MCTP2: variants seen among roughly 807,000 people sequenced by gnomAD.
MCTP2 encodes the protein multiple C2 and transmembrane domain-containing protein 2.
Under a neutral mutation model 111.6 loss-of-function variants are expected in MCTP2, and 132 were observed. That is an observed-to-expected ratio of 1.18 (90% CI 1.03 to 1.37). The LOEUF is 1.37. MCTP2 is among the 40% of genes most tolerant of loss of function. MCTP2 has a pLI of 0.00. For synonymous variants in MCTP2, 395 were observed against 387.7 expected (o/e 1.02, Z -0.22); for missense variants, 1,183 against 1,067.9 (o/e 1.11, Z -1.50).
intron 2 of MCTP2, among the ~76,000 whole-genome samples, chr15:94,305,923 C>G (rs775067654): frequency 6.6e-6 from 1 of 152,086 alleles, no homozygotes; most frequent in Non-Finnish European, 1.5e-5. Flanking sequence ...CTAGTCAGCA[C>G]TCTCCCAGTA....
Position 94,388,624 on chromosome 15 carries a change from C to T in MCTP2, c.1788+3099C>T, listed in dbSNP as rs141468222. ...TGTGTTTTAACCTACTTATTTAGATCTAGTTTTTTTTTCTTTAATCTCTCT... is the reference window on the plus strand; with the variant it reads ...TGTGTTTTAACCTACTTATTTAGATTTAGTTTTTTTTTCTTTAATCTCTCT... On this transcript the variant is annotated intron_variant, in intron 14 of 22. Transcript: ENST00000357742. Among the ~76,000 whole-genome samples, 7 of 152,176 alleles carry T rather than the reference C, an allele frequency of 4.6e-5. No individual in the cohort carries two copies. In the East Asian group the frequency reaches 5.8e-4, roughly 13 times the overall value.
At chr15:94,289,010 T>C (rs1049822979) in intron 1 of MCTP2, among the ~76,000 whole-genome samples, 1 of 152,070 alleles carries the variant, frequency 6.6e-6, no homozygotes, top group African/African-American at 2.4e-5. Context: ...TAATAGAGTC[T>C]CCGGGATTAT....
chr15:94,451,352 G>A (rs770225065), intron 19 of MCTP2, among the ~76,000 whole-genome samples: 2 of 151,946 alleles, frequency 1.3e-5, no homozygotes, highest in Non-Finnish European at 2.9e-5. Context: ...TTCATTATTT[G>A]GTGATGCAGG....
chr15:94,272,393 G>A (rs989782790), intron 1 of MCTP2, among the ~76,000 whole-genome samples: 1 of 152,102 alleles, frequency 6.6e-6, no homozygotes, highest in Non-Finnish European at 1.5e-5. Flanking sequence ...AAGCACGTGC[G>A]TTTAGCGTGA....
At chr15:94,415,552 C>T (rs369330324) in intron 17 of MCTP2, among the ~76,000 whole-genome samples, 2 of 152,198 alleles carry the variant, frequency 1.3e-5, no homozygotes, top group South Asian at 2.1e-4. Context: ...CATAACACCC[C>T]GTGCAGCATT....
At position 94,392,611 on chromosome 15, in the gene MCTP2, G is replaced by A. The variant is rs190715433; in HGVS notation, c.1789-6350G>A. On this transcript the variant is annotated intron_variant, in intron 14 of 22. Transcript: ENST00000357742. The stretch of plus-strand genomic sequence containing the variant: ...AGGTGGATCACAAGGTCAGGAGTTC[G>A]AGACCAGCCTGACCAACATGGTGAA... 2.7e-3 allele frequency among the ~76,000 whole-genome samples: 410 copies of A among 152,078 alleles called. 2 individuals are homozygous for A. The highest frequency in any genetic ancestry group is 0.01 in the Middle Eastern group (3 of 290).
At chr15:94,231,456 G>C (rs2070159121), upstream of MCTP2, 1 of 148,046 alleles carries the variant, frequency 6.8e-6, no homozygotes, top group African/African-American at 2.5e-5. Flanking sequence ...CTGCTCAAAG[G>C]TGACGCGCGG....
intron 1 of MCTP2, among the ~76,000 whole-genome samples, chr15:94,279,388 G>A (rs543649588): frequency 6.6e-6 from 1 of 151,994 alleles, no homozygotes; most frequent in South Asian, 2.1e-4. Context: ...ATTGTGAATG[G>A]GATTGTGTTC....
intron 8 of MCTP2, among the ~76,000 whole-genome samples, chr15:94,349,394 C>T (rs1355394237): frequency 6.6e-6 from 1 of 152,146 alleles, no homozygotes; most frequent in Non-Finnish European, 1.5e-5. Context: ...TAGAACCTGT[C>T]CTTGGATACA....
At chr15:94,265,739 TA>T (rs1410551131) in intron 1 of MCTP2, among the ~76,000 whole-genome samples, 1 of 152,162 alleles carries the variant, frequency 6.6e-6, no homozygotes, top group Non-Finnish European at 1.5e-5. Context: ...GAAGCCTTTT[TA>T]AAAAGGAAGA....
At chr15:94,245,417 C>A (rs111208071) in intron 1 of MCTP2, among the ~76,000 whole-genome samples, 3,386 of 72,412 alleles carry the variant, frequency 0.047, 126 homozygotes, top group African/African-American at 0.15. Flanking sequence ...TATTTATATA[C>A]ATGTGTGTAT....
intron 1 of MCTP2, among the ~76,000 whole-genome samples, chr15:94,278,437 A>G (rs181308202): frequency 2.0e-5 from 3 of 152,310 alleles, no homozygotes; most frequent in East Asian, 3.9e-4. Flanking sequence ...CAAATGGATA[A>G]ACAAAGAAAT....
At chr15:94,288,635 A>C (rs1354100860) in intron 1 of MCTP2, among the ~76,000 whole-genome samples, 4 of 152,258 alleles carry the variant, frequency 2.6e-5, no homozygotes, top group Admixed American at 2.6e-4. Context: ...CAAAATGTCC[A>C]AGGTATAATT....
intron 17 of MCTP2, among the ~76,000 whole-genome samples, chr15:94,437,155 C>CAAAAAAAAA (rs11352999): frequency 1.0e-4 from 7 of 69,578 alleles, no homozygotes; most frequent in Admixed American, 1.6e-4. Flanking sequence ...CTTACACATC[C>CAAAAAAAAA]AAAAAAAAAA....
chr15:94,275,234 T>C (rs968660753), intron 1 of MCTP2, among the ~76,000 whole-genome samples: 1 of 152,130 alleles, frequency 6.6e-6, no homozygotes, highest in Non-Finnish European at 1.5e-5. Context: ...CTTTTGAGAG[T>C]GTTTACAACT....
At position 94,330,621 on chromosome 15, in the gene MCTP2, A is replaced by C. The variant is rs914028012; in HGVS notation, c.638-8669A>C. On this transcript the variant is annotated intron_variant, in intron 4 of 22. Coordinates refer to ENST00000357742, the MANE Select transcript of MCTP2 (RefSeq NM_001385001.1). ...TGTCATTGCCTTCTTCTAACTTTAC[A>C]TGGGGCCCTCGTTTTTTGGTGTTAC... 4.0e-5 allele frequency among the ~76,000 whole-genome samples: 6 copies of C among 151,798 alleles called. No homozygotes were observed. The East Asian group carries it at 1.2e-3, about 29-fold the overall frequency.
rs1392197553 is a variant in MCTP2, at chr15:94,476,602, TGACA to T, written c.2471-91_2471-88del. 1.5e-5 allele frequency: 11 copies of T among 711,746 alleles called. No homozygotes were observed. In the East Asian group the frequency reaches 2.0e-4, roughly 13 times the overall value. 44.1% of individuals were successfully genotyped at this position (711,746 alleles called of 1,614,324 possible). A position where few individuals can be genotyped will look rare whatever the true frequency, so the allele number is the denominator to read the frequency against. On this transcript the variant is annotated intron_variant, in intron 21 of 22. Transcript: ENST00000357742. ...GATGCTAGATAGATAGATGATTGAC[TGACA>T]GATAGATAGATAGATAGATAGATAG...
intron 1 of MCTP2, among the ~76,000 whole-genome samples, chr15:94,273,131 C>T (rs919406430): frequency 6.6e-6 from 1 of 152,284 alleles, no homozygotes; most frequent in East Asian, 1.9e-4. Flanking sequence ...TAGTGAGTGC[C>T]GTTAATGCAG....
At chr15:94,437,149 C>G (rs1317534681) in intron 17 of MCTP2, among the ~76,000 whole-genome samples, 1 of 86,896 alleles carries the variant, frequency 1.2e-5, no homozygotes, top group Non-Finnish European at 2.1e-5. Context: ...TTCACACTTA[C>G]ACATCCAAAA....
Sources: allele counts gnomAD v4.1 joint callset (sites outside exome capture counted in the v4.1 genomes callset), GRCh38; gene constraint gnomAD v4.1.1; transcripts MANE v1.5; gene names NCBI Gene and HGNC (gene_info 2026-07-23, HGNC 2026-07-21).